FASTKD1: variants seen among roughly 807,000 people sequenced by gnomAD.
FASTKD1 encodes FAST kinase domains 1.
In FASTKD1, 94 loss-of-function variants were observed where a neutral mutation model predicts 90.9. The ratio of observed to expected loss-of-function variants is 1.03; its 90% CI spans 0.88 to 1.23. The LOEUF is 1.23. Ranked by LOEUF, FASTKD1 falls within the 50% of genes most tolerant of loss-of-function variation. FASTKD1 has a pLI of 0.00. For synonymous variants in FASTKD1, 319 were observed against 345.8 expected, an observed-to-expected ratio of 0.92 and a Z score of 0.86; for missense variants, 945 against 993.5, an observed-to-expected ratio of 0.95 and a Z score of 0.66.
chr2:169,532,392 C>T (rs572429444), intron 12 of FASTKD1, among the ~76,000 whole-genome samples: 18 of 132,570 alleles, frequency 1.4e-4, no homozygotes, highest in Non-Finnish European at 2.8e-4. Context: ...GCCTAGGCAG[C>T]AGAGCCAGAC....
intron 14 of FASTKD1, among the ~76,000 whole-genome samples, 162 bp downstream of exon 14, chr2:169,530,425 A>G (rs1468373858): frequency 6.6e-6 from 1 of 152,164 alleles, no homozygotes; most frequent in African/African-American, 2.4e-5. Flanking sequence ...CAGCCACCCA[A>G]GTAGCTACAG....
intron 11 of FASTKD1, among the ~76,000 whole-genome samples, chr2:169,537,802 G>A (rs1287877202): frequency 2.0e-5 from 3 of 152,120 alleles, no homozygotes; most frequent in African/African-American, 7.2e-5. Flanking sequence ...TTCAATACAA[G>A]TTCTTTGCTC....
intron 6 of FASTKD1, among the ~76,000 whole-genome samples, chr2:169,556,839 A>ACAAT (rs932598314): frequency 6.6e-6 from 1 of 150,614 alleles, no homozygotes; most frequent in Non-Finnish European, 1.5e-5. Context: ...AAACAAACAA[A>ACAAT]CAAACAAACA....
intron 6 of FASTKD1, 29 bp downstream of exon 6, chr2:169,557,158 C>G (rs770338191): frequency 7.1e-7 from 1 of 1,405,598 alleles, no homozygotes; most frequent in Non-Finnish European, 1.0e-6. Flanking sequence ...TGACAACAAA[C>G]TTAACGTCGT....
chr2:169,546,030 C>T (rs568594991), intron 8 of FASTKD1, among the ~76,000 whole-genome samples, 188 bp downstream of exon 8: 9 of 152,278 alleles, frequency 5.9e-5, no homozygotes, highest in African/African-American at 2.2e-4. Context: ...TTCCTGGGCT[C>T]AACCAATCCT....
At chr2:169,562,273 C>T (rs1386685971) in intron 4 of FASTKD1, among the ~76,000 whole-genome samples, 5 of 150,450 alleles carry the variant, frequency 3.3e-5, no homozygotes, top group African/African-American at 1.2e-4. Context: ...TGCTCTGTTG[C>T]CCAGGCTGGA....
chr2:169,558,830 C>G (rs532591018), intron 5 of FASTKD1, among the ~76,000 whole-genome samples: 1 of 152,080 alleles, frequency 6.6e-6, no homozygotes, highest in Non-Finnish European at 1.5e-5. Flanking sequence ...TTCAAGTGAT[C>G]TGCCAGCATT....
intron 1 of FASTKD1, among the ~76,000 whole-genome samples, chr2:169,572,705 T>C (rs2683457): frequency 0.91 from 138,159 of 152,008 alleles, 62,837 homozygotes; most frequent in East Asian, 0.98. Flanking sequence ...TAATCATTAC[T>C]GGCCTTGGAT....
At chr2:169,560,823 T>C in intron 4 of FASTKD1, 38 bp from the exon 5 acceptor site, 1 of 1,011,592 alleles carries the variant, frequency 9.9e-7, no homozygotes, top group South Asian at 1.9e-5. Context: ...TTTACATCAA[T>C]TAAGAATGAT....
intron 4 of FASTKD1, among the ~76,000 whole-genome samples, chr2:169,561,424 A>G (rs1456175744): frequency 6.6e-6 from 1 of 152,106 alleles, no homozygotes; most frequent in Non-Finnish European, 1.5e-5. Context: ...AGACAATCAT[A>G]GTACTGGATT....
intron 13 of FASTKD1, 100 bp downstream of exon 13, chr2:169,531,252 C>A (rs373568644): frequency 8.1e-7 from 1 of 1,237,052 alleles, no homozygotes; most frequent in South Asian, 1.2e-5. Context: ...ATATGAGGAA[C>A]AGATTCCACT....
chr2:169,553,271 C>CAAAAAAAAAAAA (rs374454211), intron 7 of FASTKD1, among the ~76,000 whole-genome samples: 11 of 79,212 alleles, frequency 1.4e-4, no homozygotes, highest in Admixed American at 3.6e-4. Flanking sequence ...TAAAAGCATG[C>CAAAAAAAAAAAA]AAAAAAAAAA....
At chr2:169,542,070 T>C (rs998269265) in intron 9 of FASTKD1, among the ~76,000 whole-genome samples, 2 of 152,088 alleles carry the variant, frequency 1.3e-5, no homozygotes, top group African/African-American at 4.8e-5. Flanking sequence ...AAAATAGCAC[T>C]CCATCTCACA....
chr2:169,536,210 T>C (rs1012764694), intron 12 of FASTKD1, among the ~76,000 whole-genome samples: 3 of 152,224 alleles, frequency 2.0e-5, no homozygotes, highest in Admixed American at 6.5e-5. Flanking sequence ...TCCTATCAAG[T>C]AGGCATTATT....
At chr2:169,555,084 GA>G (rs1683234182) in intron 7 of FASTKD1, 39 bp downstream of exon 7, 1 of 1,576,590 alleles carries the variant, frequency 6.3e-7, no homozygotes, top group African/African-American at 1.4e-5. Flanking sequence ...ATTGTGGCTA[GA>G]AAATGAAACA....
intron 5 of FASTKD1, among the ~76,000 whole-genome samples, chr2:169,558,202 T>G (rs1264113160): frequency 6.6e-6 from 1 of 152,202 alleles, no homozygotes; most frequent in Non-Finnish European, 1.5e-5. Flanking sequence ...GCTTTAGCAC[T>G]GAGATTTTAA....
chr2:169,561,930 T>C (rs945716747), intron 4 of FASTKD1, among the ~76,000 whole-genome samples: 1 of 141,152 alleles, frequency 7.1e-6, no homozygotes, highest in African/African-American at 2.6e-5. Flanking sequence ...ATCAATTATT[T>C]GTTAATTTAT....
At chr2:169,530,972 G>T in intron 13 of FASTKD1, 1 of 674,442 alleles carries the variant, frequency 1.5e-6, no homozygotes, top group Non-Finnish European at 2.8e-6. Context: ...CCACTGTGAG[G>T]GGTACAAATA....
intron 7 of FASTKD1, among the ~76,000 whole-genome samples, chr2:169,548,890 C>A (rs1435123892): frequency 3.3e-5 from 5 of 151,584 alleles, no homozygotes; most frequent in Admixed American, 1.3e-4. Context: ...GTCAGGAGAT[C>A]GAGACCATTC....
Sources: allele counts gnomAD v4.1 joint callset (sites outside exome capture counted in the v4.1 genomes callset), GRCh38; gene constraint gnomAD v4.1.1; transcripts MANE v1.5; gene names NCBI Gene and HGNC (gene_info 2026-07-23, HGNC 2026-07-21).